Variants in HDAC5 observed in about 807,000 individuals in gnomAD.
The protein encoded by HDAC5 is antigen NY-CO-9.
Under a neutral mutation model 133.3 loss-of-function variants are expected in HDAC5, and 25 were observed. The observed-to-expected ratio is 0.19, with a 90% CI of 0.14 to 0.26. The LOEUF is 0.26. Ranked by LOEUF, HDAC5 falls within the 10% of genes least tolerant of loss-of-function variation. HDAC5 has a pLI of 1.00. For synonymous variants in HDAC5, 589 were observed against 610.8 expected (o/e 0.96, Z 0.53); for missense variants, 1,041 against 1,460.5 (o/e 0.71, Z 4.68).
chr17:44,082,226 G>A, intron 20 of HDAC5: 1 of 285,888 alleles, frequency 3.5e-6, no homozygotes, highest in Non-Finnish European at 6.7e-6. Flanking sequence ...TTGTGTTCCT[G>A]GTATACAGTC....
chr17:44,082,278 G>C (rs2050430775), intron 20 of HDAC5: 1 of 413,906 alleles, frequency 2.4e-6, no homozygotes, highest in African/African-American at 2.0e-5. Flanking sequence ...TCGGCTACTA[G>C]CAATGGCGGC....
At position 44,082,774 on chromosome 17, in the gene HDAC5, G is replaced by T; in HGVS notation, c.2510C>A (p.Ser837Tyr). 3.8e-6 allele frequency: 6 copies of T among 1,573,008 alleles called. No homozygotes were observed. The highest frequency in any genetic ancestry group is 5.2e-6 in the Non-Finnish European group (6 of 1,158,286). The change falls in exon 19 of 27, where the codon TCC (serine) becomes TAC (tyrosine). Residue 837 changes from serine to tyrosine, a missense_variant. Ser to Tyr is a moderately radical substitution (Grantham distance 144). Transcript: ENST00000682912. ...AATCTAGGGCACTCACATGGCTGTG[G>T]ATTCCTCGGCGTGGTGTCCTGGGGG... is the stretch of plus-strand genomic sequence containing the variant. ...IRPPGHHAEESTAMGFCFFNS... is the reference protein window; with the variant it reads ...IRPPGHHAEEYTAMGFCFFNS...
At chr17:44,082,886 A>G (rs1159000464) in intron 18 of HDAC5, 66 bp from the exon 19 acceptor site, 2 of 1,376,596 alleles carry the variant, frequency 1.5e-6, no homozygotes, top group Non-Finnish European at 2.0e-6. Context: ...GGGGTAGCAC[A>G]GGACAGAAGC....
At chr17:44,089,689 G>A (rs2050836490) in intron 11 of HDAC5, among the ~76,000 whole-genome samples, 1 of 143,448 alleles carries the variant, frequency 7.0e-6, no homozygotes, top group Non-Finnish European at 1.5e-5. Context: ...AGAGGTTGCA[G>A]TGAGCCGAGA....
chr17:44,106,989 G>A (rs561562834), intron 3 of HDAC5, among the ~76,000 whole-genome samples: 3 of 151,978 alleles, frequency 2.0e-5, no homozygotes, highest in South Asian at 2.1e-4. Context: ...TTGTTATAGC[G>A]CCCAGGCTGG....
chr17:44,117,621 C>T lies in HDAC5; in HGVS notation c.-106G>A, dbSNP rs898028456. On this transcript the variant is annotated 5_prime_UTR_variant, in exon 2 of 27. Coordinates refer to ENST00000682912, the MANE Select transcript of HDAC5 (RefSeq NM_005474.5). This position sits in a 1 kb window ranked among gnomAD's most constrained non-coding sequence, Gnocchi z 4.2. ...GACGATAACAGACAGACGGACGGGA[C>T]GGGAGCCCGGGGCCGCCGTGCCTCT... 7 of 1,361,100 alleles carry T rather than the reference C, an allele frequency of 5.1e-6. No homozygotes were observed. Among genetic ancestry groups the T allele is most frequent in the Admixed American group, 1.7e-5 (1 of 59,056 alleles). The allele number at this position is 1,361,100 out of a possible 1,614,324, so 84.3% of individuals were successfully genotyped here. A position where few individuals can be genotyped will look rare whatever the true frequency, so the allele number is the denominator to read the frequency against.
intron 17 of HDAC5, 34 bp downstream of exon 17, chr17:44,083,767 GCCGC>G: frequency 1.9e-6 from 3 of 1,592,388 alleles, no homozygotes; most frequent in Non-Finnish European, 1.7e-6. Context: ...ACCTAGGAGA[GCCGC>G]CCGCCCACCC....
chr17:44,079,743 CA>C (rs1243974858), intron 23 of HDAC5, among the ~76,000 whole-genome samples: 1 of 151,654 alleles, frequency 6.6e-6, no homozygotes, highest in East Asian at 1.9e-4. Flanking sequence ...CAAATATATC[CA>C]TAATAAAATA....
intron 15 of HDAC5, 109 bp from the exon 16 acceptor site, chr17:44,084,784 A>G (rs756708020): frequency 5.6e-6 from 8 of 1,421,444 alleles, no homozygotes; most frequent in Admixed American, 4.1e-5. Flanking sequence ...AGGAGATCCA[A>G]ATATTTTCAG....
chr17:44,078,650 C>T lies in HDAC5; in HGVS notation c.3179G>A (p.Cys1060Tyr), dbSNP rs533094138. Reference sequence around the variant, plus strand: ...CAGACCAGCGGCGAACTTCTGCACACAGCTCCAGTGTTTGCCTGTGGACGA... The same window carrying T: ...CAGACCAGCGGCGAACTTCTGCACATAGCTCCAGTGTTTGCCTGTGGACGA... ...VIEIQSKHWS[C>Y]VQKFAAGLGR... Residue 1060 changes from cysteine to tyrosine, a missense_variant, in exon 26 of 27, where the codon TGT (cysteine) becomes TAT (tyrosine). By Grantham distance (194) the Cys-to-Tyr change is radical (BLOSUM62 -2). Transcript: ENST00000682912. 6.2e-6 allele frequency: 10 copies of T among 1,605,868 alleles called. No homozygotes were observed. The African/African-American group carries it at 8.0e-5, about 13-fold the overall frequency.
In HDAC5 at chr17:44,093,274, C is replaced by T. The variant is rs368841751; in HGVS notation, c.526+40G>A. Reference sequence around the variant, plus strand: ...CCCCCCATGGCAGGGGCAGGCATCACGGGCGGGGCCCTACGAGGTCCCAGG... The same window carrying T: ...CCCCCCATGGCAGGGGCAGGCATCATGGGCGGGGCCCTACGAGGTCCCAGG... On this transcript the variant is annotated intron_variant, in intron 5 of 26. Transcript: ENST00000682912. 2.2e-4 allele frequency: 347 copies of T among 1,580,384 alleles called. No homozygotes were observed. The African/African-American group carries it at 3.9e-3, about 18-fold the overall frequency.
At chr17:44,109,357 C>G (rs73314424) in intron 3 of HDAC5, among the ~76,000 whole-genome samples, 2,429 of 152,300 alleles carry the variant, frequency 0.016, 73 homozygotes, top group African/African-American at 0.055. Context: ...ATTCCTCATC[C>G]CAGGGACCTG....
chr17:44,092,873 C>T lies in HDAC5; in HGVS notation c.642-67G>A, dbSNP rs1489547347. On this transcript the variant is annotated intron_variant, in intron 6 of 26. Transcript: ENST00000682912. ...ATCACCCAGTCTGCTGGACCTGCCA[C>T]CTGGCAATCTACATTTATGAAAAAT... The T allele has an allele frequency of 7.4e-6, 5 of 680,090 alleles. No homozygotes were observed. The Admixed American group carries it at 1.6e-4, about 21-fold the overall frequency. The allele number at this position is 680,090 out of a possible 1,614,324, so 42.1% of individuals were successfully genotyped here. A position where few individuals can be genotyped will look rare whatever the true frequency, so the allele number is the denominator to read the frequency against.
At chr17:44,079,981 C>T (rs1412517184) in intron 23 of HDAC5, 126 bp downstream of exon 23, 1 of 745,122 alleles carries the variant, frequency 1.3e-6, no homozygotes, top group African/African-American at 1.7e-5. Context: ...AAGATGATTC[C>T]AAGTCTAGGC....
At chr17:44,092,624 C>T in intron 7 of HDAC5, 52 bp downstream of exon 7, 1 of 1,538,054 alleles carries the variant, frequency 6.5e-7, no homozygotes, top group South Asian at 1.2e-5. Context: ...ACAAGCCCAC[C>T]TCTGCCTCCC....
At chr17:44,121,977 G>A (rs2053033802) in intron 1 of HDAC5, among the ~76,000 whole-genome samples, 1 of 152,148 alleles carries the variant, frequency 6.6e-6, no homozygotes, top group Non-Finnish European at 1.5e-5. Flanking sequence ...GCTTTGTCAA[G>A]AAAGCCCAGA....
intron 2 of HDAC5, chr17:44,111,435 G>A (rs929647883): frequency 1.0e-4 from 41 of 400,628 alleles, no homozygotes; most frequent in Middle Eastern, 8.6e-4. Context: ...AGGCCACAGC[G>A]CTGGGTGGCC....
At chr17:44,120,955 A>G (rs1319376049) in intron 1 of HDAC5, among the ~76,000 whole-genome samples, 2 of 152,004 alleles carry the variant, frequency 1.3e-5, no homozygotes, top group Non-Finnish European at 2.9e-5. Context: ...CCAGGCCCCA[A>G]ACCAGGGAAA....
rs138228080 is a variant in HDAC5, at chr17:44,121,238, G to A, written c.-190+2266C>T. 8.6e-3 allele frequency among the ~76,000 whole-genome samples: 1,308 copies of A among 152,096 alleles called. 26 individuals carry two copies. Among genetic ancestry groups the A allele is most frequent in the African/African-American group, 0.03 (1,247 of 41,482 alleles). ...GATACCCTCTTCCCAGCACTACCAG[G>A]CAGGGTCCCCATTCAAGAAAGGGCT... On this transcript the variant is annotated intron_variant, in intron 1 of 26. Transcript: ENST00000682912.
Sources: allele counts gnomAD v4.1 joint callset (sites outside exome capture counted in the v4.1 genomes callset), GRCh38; gene constraint gnomAD v4.1.1; non-coding constraint Gnocchi (gnomAD v3.1); transcripts MANE v1.5; gene names NCBI Gene and HGNC (gene_info 2026-07-23, HGNC 2026-07-21).